The following PLS3 variants were observed in gnomAD, a reference collection of about 807,000 sequenced individuals.
The protein encoded by PLS3 is plastin 3, also known as plastin-3.
Under a neutral mutation model 46.5 loss-of-function variants are expected in PLS3, and 11 were observed. That is an observed-to-expected ratio of 0.24 (90% CI 0.15 to 0.39). The LOEUF is 0.39. Among genes scored for constraint, PLS3 ranks in the 10% least tolerant of loss-of-function variants. The pLI is 1.00. For missense variants in PLS3, 308 were observed against 461.8 expected (o/e 0.67, Z 3.05); for synonymous variants, 167 against 162.2 (o/e 1.03, Z -0.22).
chrX:115,643,237 C>T (rs888588568), intron 9 of PLS3, 76 bp from the exon 10 acceptor site: 2 of 613,298 alleles, frequency 3.3e-6, no homozygotes, highest in Admixed American at 2.7e-5. Flanking sequence ...ACTGTATACC[C>T]AGACTATGAC....
intron 1 of PLS3, among the ~76,000 whole-genome samples, chrX:115,605,084 A>G (rs1405797687): frequency 8.9e-6 from 1 of 112,277 alleles, no homozygotes; most frequent in Admixed American, 9.5e-5. Flanking sequence ...CAGGTACTTC[A>G]GAGTAGCATT....
At chrX:115,643,155 A>G (rs1280195820) in intron 9 of PLS3, among the ~76,000 whole-genome samples, 158 bp from the exon 10 acceptor site, 2 of 111,365 alleles carry the variant, frequency 1.8e-5, no homozygotes, top group Non-Finnish European at 3.8e-5. Flanking sequence ...CATCTCCAAG[A>G]GGGCCAACCT....
chrX:115,606,133 CTT>C (rs1402824157), intron 1 of PLS3, among the ~76,000 whole-genome samples: 1 of 41,773 alleles, frequency 2.4e-5, no homozygotes, highest in African/African-American at 8.1e-5. Flanking sequence ...TATCTAATTT[CTT>C]TTTTTTTTCT....
chrX:115,574,897 T>C (rs2147421060), intron 1 of PLS3, among the ~76,000 whole-genome samples: 1 of 112,333 alleles, frequency 8.9e-6, no homozygotes, highest in East Asian at 2.8e-4. Flanking sequence ...TCTATTTTTA[T>C]AGATTTTAGT....
chrX:115,577,815 C>G (rs2074257458), intron 1 of PLS3, among the ~76,000 whole-genome samples: 2 of 111,334 alleles, frequency 1.8e-5, no homozygotes, highest in Non-Finnish European at 1.9e-5. Flanking sequence ...TTATCATTCT[C>G]AGAGTCAGTG....
chrX:115,600,312 A>G (rs1328298612), intron 1 of PLS3, among the ~76,000 whole-genome samples: 1 of 105,431 alleles, frequency 9.5e-6, no homozygotes, highest in Non-Finnish European at 1.9e-5. Context: ...TTTTTTTAAG[A>G]GAAGGAGTCT....
At chrX:115,607,652 G>A (rs1016417391) in intron 1 of PLS3, among the ~76,000 whole-genome samples, 2 of 110,585 alleles carry the variant, frequency 1.8e-5, no homozygotes, top group East Asian at 2.9e-4. Context: ...ACAGGCACCC[G>A]CCATCACACT....
intron 1 of PLS3, among the ~76,000 whole-genome samples, chrX:115,572,444 G>A (rs2074222081): frequency 9.0e-6 from 1 of 110,920 alleles, no homozygotes; most frequent in South Asian, 3.8e-4. Context: ...ATGAAGGGAA[G>A]GTTAATAAGT....
At chrX:115,632,283 A>T in intron 5 of PLS3, among the ~76,000 whole-genome samples, 1 of 111,153 alleles carries the variant, frequency 9.0e-6, no homozygotes, top group East Asian at 2.8e-4. Context: ...AAAATTTATT[A>T]GGGCAGTATT....
chrX:115,626,503 C>T (rs1451164707), intron 3 of PLS3, among the ~76,000 whole-genome samples: 5 of 110,051 alleles, frequency 4.5e-5, no homozygotes, highest in African/African-American at 1.7e-4. Context: ...AGGCTGGTCT[C>T]GAACTCCCGA....
In PLS3 at chrX:115,629,296, G is replaced by T. The variant is rs1556638909; in HGVS notation, c.336G>T (p.Leu112Phe). The T allele has an allele frequency of 3.3e-6, 4 of 1,203,049 alleles. No individual in the cohort carries two copies. The part of the protein sequence containing the change: ...GICALGGTSE[L>F]SSEGTQHSYS... ...GTGCTCTGGGTGGAACTTCAGAGTT[G>T]TCCAGCGAAGGAACACAGCATTCTT... The change falls in exon 4 of 16, where the codon TTG becomes TTT. Residue 112 changes from leucine to phenylalanine, a missense_variant. Physicochemically the swap from Leu to Phe is conservative, Grantham distance 22. This residue lies in a region of PLS3 where 271 missense variants were observed against 435.7 expected (regional missense o/e 0.62). Transcript: ENST00000355899.
chrX:115,636,984 T>C lies in PLS3; in HGVS notation c.891+6T>C. 8.3e-7 allele frequency: 1 copy of C among 1,203,674 alleles called. No individual in the cohort carries two copies. Among genetic ancestry groups the C allele is most frequent in the Non-Finnish European group, 1.1e-6 (1 of 890,172 alleles). ...ACTTTAGTGCTGACATCAAGGTAAC[T>C]GTTGAAAGAATCACAACATTTTGGG... On this transcript the variant is annotated splice_donor_region_variant and intron_variant, in intron 8 of 15. Transcript: ENST00000355899.
chrX:115,561,797 G>A (rs1248976357), intron 1 of PLS3, among the ~76,000 whole-genome samples: 2 of 111,417 alleles, frequency 1.8e-5, no homozygotes, highest in Non-Finnish European at 3.8e-5. Context: ...AGCCGACCCT[G>A]GGGCTCTGGA....
chrX:115,577,958 G>A (rs1334541403), intron 1 of PLS3, among the ~76,000 whole-genome samples: 4 of 111,757 alleles, frequency 3.6e-5, no homozygotes, highest in African/African-American at 9.8e-5. Context: ...GATTACAGCC[G>A]TCAATGAAAC....
chrX:115,593,321 T>C (rs1240518976), intron 1 of PLS3, among the ~76,000 whole-genome samples: 1 of 109,831 alleles, frequency 9.1e-6, no homozygotes, highest in Non-Finnish European at 1.9e-5. Flanking sequence ...CCTGAGTCCT[T>C]ATATGATTTT....
intron 5 of PLS3, among the ~76,000 whole-genome samples, chrX:115,631,118 G>A (rs1227092616): frequency 2.9e-5 from 3 of 104,384 alleles, no homozygotes; most frequent in South Asian, 4.1e-4. Context: ...GTGCAATGGC[G>A]CAATTTTGGC....
chrX:115,640,027 A>G (rs2074878785), intron 8 of PLS3: 5 of 667,743 alleles, frequency 7.5e-6, no homozygotes. Flanking sequence ...TTGTAATGAT[A>G]TAACCTGTTT....
intron 3 of PLS3, among the ~76,000 whole-genome samples, chrX:115,626,829 G>GTA (rs1465192825): frequency 9.2e-6 from 1 of 108,755 alleles, no homozygotes; most frequent in African/African-American, 3.4e-5. Context: ...CTATATATAT[G>GTA]TATATATATG....
chrX:115,604,542 G>T (rs2074473182), intron 1 of PLS3, among the ~76,000 whole-genome samples: 2 of 111,710 alleles, frequency 1.8e-5, no homozygotes, highest in African/African-American at 6.5e-5. Context: ...CAGAACCAGA[G>T]CAATAATCGA....
Sources: gnomAD v4.1 joint callset for allele counts (sites outside exome capture counted in the v4.1 genomes callset) on GRCh38, gnomAD v4.1.1 for gene constraint, gnomAD v4.1.1 regional missense constraint, MANE v1.5 for transcripts, NCBI Gene and HGNC (gene_info 2026-07-23, HGNC 2026-07-21) for gene names.